PTPRM: variants seen among roughly 807,000 people sequenced by gnomAD.
PTPRM encodes protein tyrosine phosphatase receptor type M.
PTPRM carries 47 observed loss-of-function variants against 186.7 expected under a neutral mutation model. The ratio of observed to expected loss-of-function variants is 0.25; its 90% CI spans 0.20 to 0.32. PTPRM has a LOEUF of 0.32. Ranked by LOEUF, PTPRM falls within the 10% of genes least tolerant of loss-of-function variation. The pLI is 1.00. For synonymous variants in PTPRM, 668 were observed against 674.9 expected, an observed-to-expected ratio of 0.99 and a Z score of 0.16; for missense variants, 1,494 against 1,865.0, an observed-to-expected ratio of 0.80 and a Z score of 3.66.
At chr18:7,649,279 T>G (rs2038639771) in intron 1 of PTPRM, among the ~76,000 whole-genome samples, 1 of 152,202 alleles carries the variant, frequency 6.6e-6, no homozygotes, top group Non-Finnish European at 1.5e-5. Context: ...AGAGCTCTGC[T>G]GGAGATGTAC....
intron 5 of PTPRM, among the ~76,000 whole-genome samples, chr18:7,948,454 G>A (rs913025196): frequency 6.6e-6 from 1 of 152,116 alleles, no homozygotes; most frequent in Non-Finnish European, 1.5e-5. Context: ...ATTTCCAAGT[G>A]TGCATAACTA....
intron 1 of PTPRM, among the ~76,000 whole-genome samples, chr18:7,610,215 T>C (rs1245408601): frequency 7.0e-6 from 1 of 142,700 alleles, no homozygotes; most frequent in Non-Finnish European, 1.5e-5. Context: ...ACTTATTTGA[T>C]AGGAATTGCT....
chr18:8,244,575 TA>T (rs1476141315), intron 15 of PTPRM, among the ~76,000 whole-genome samples: 4 of 152,236 alleles, frequency 2.6e-5, no homozygotes, highest in Non-Finnish European at 5.9e-5. Context: ...AAGCCTGTTA[TA>T]AAAACAGTTC....
rs565996019 is a variant in PTPRM at position 8,341,391 on chromosome 18, G to A, written c.2957-2032G>A. ...GGGCACTAAGAAAACAGCAGCAAAC[G>A]AAGAAGGCTGAGTTCCCCTCCGGGA... is the stretch of plus-strand genomic sequence containing the variant. On this transcript the variant is annotated intron_variant, in intron 22 of 32. Coordinates refer to ENST00000580170, the MANE Select transcript of PTPRM (RefSeq NM_001105244.2). Among the ~76,000 whole-genome samples, 34 of 152,276 alleles carry A rather than the reference G, an allele frequency of 2.2e-4. 1 individual carries two copies. In the South Asian group the frequency reaches 4.8e-3, roughly 21 times the overall value.
chr18:8,240,593 T>C (rs1412494849), intron 14 of PTPRM, among the ~76,000 whole-genome samples: 3 of 109,040 alleles, frequency 2.8e-5, no homozygotes, highest in East Asian at 2.9e-4. Flanking sequence ...TGTGGCAACC[T>C]GCATGGAGAG....
At chr18:8,103,227 G>A (rs183665868) in intron 11 of PTPRM, among the ~76,000 whole-genome samples, 18 of 152,294 alleles carry the variant, frequency 1.2e-4, no homozygotes, top group Admixed American at 7.8e-4. Context: ...GCATGAGCCC[G>A]TAACACAAGA....
At chr18:7,997,915 T>C (rs1006410780) in intron 7 of PTPRM, among the ~76,000 whole-genome samples, 8 of 152,162 alleles carry the variant, frequency 5.3e-5, no homozygotes, top group African/African-American at 1.9e-4. Flanking sequence ...AGAACTCTCA[T>C]GTCAATGTTG....
intron 1 of PTPRM, among the ~76,000 whole-genome samples, chr18:7,767,780 A>G (rs1468203166): frequency 1.3e-5 from 2 of 152,210 alleles, no homozygotes; most frequent in Non-Finnish European, 2.9e-5. Flanking sequence ...CTTCATTAAC[A>G]TTTAACTTGC....
chr18:8,081,317 G>A (rs1292052358), intron 9 of PTPRM, among the ~76,000 whole-genome samples: 2 of 152,148 alleles, frequency 1.3e-5, no homozygotes, highest in Non-Finnish European at 2.9e-5. Flanking sequence ...CCTCACACAT[G>A]ATGTTGAGAT....
chr18:8,260,477 C>G (rs2094618523), intron 19 of PTPRM, among the ~76,000 whole-genome samples: 1 of 152,140 alleles, frequency 6.6e-6, no homozygotes. Flanking sequence ...CTGTAACAAC[C>G]TGCTCTTGTG....
At chr18:8,322,033 G>T (rs114085040) in intron 22 of PTPRM, among the ~76,000 whole-genome samples, 2,193 of 152,184 alleles carry the variant, frequency 0.014, 53 homozygotes, top group African/African-American at 0.049. Flanking sequence ...AACAAAATGG[G>T]CAATGAAGAC....
intron 19 of PTPRM, among the ~76,000 whole-genome samples, chr18:8,277,065 T>G (rs2094844860): frequency 6.6e-6 from 1 of 151,916 alleles, no homozygotes; most frequent in Admixed American, 6.6e-5. Context: ...GCCCCCTGAG[T>G]AGCTGGGACT....
chr18:7,928,376 AAATT>A (rs1210686864), intron 5 of PTPRM, among the ~76,000 whole-genome samples: 1 of 152,188 alleles, frequency 6.6e-6, no homozygotes. Context: ...CTCCGTATTC[AAATT>A]TTTTTTCTCT....
chr18:7,577,102 A>C (rs1209450584), intron 1 of PTPRM, among the ~76,000 whole-genome samples: 1 of 152,134 alleles, frequency 6.6e-6, no homozygotes, highest in Non-Finnish European at 1.5e-5. Flanking sequence ...CCTACTTCCT[A>C]TCAAGTTTGA....
chr18:8,030,208 A>G (rs2085872871), intron 7 of PTPRM, among the ~76,000 whole-genome samples: 1 of 152,234 alleles, frequency 6.6e-6, no homozygotes, highest in Non-Finnish European at 1.5e-5. Context: ...GATTACATTC[A>G]TGCCTACCAT....
intron 7 of PTPRM, among the ~76,000 whole-genome samples, chr18:8,048,504 A>C (rs1442278759): frequency 3.3e-5 from 5 of 151,978 alleles, no homozygotes; most frequent in Non-Finnish European, 7.4e-5. Context: ...TCCCTGGAAG[A>C]TTAGCAGGAT....
chr18:7,741,400 C>T (rs2040882452), intron 1 of PTPRM: 1 of 152,128 alleles, frequency 6.6e-6, no homozygotes, highest in East Asian at 1.9e-4. Flanking sequence ...GTCTTTTCGG[C>T]TGAGCAATGG....
chr18:8,345,570 A>G (rs898978125), intron 23 of PTPRM, among the ~76,000 whole-genome samples: 1 of 152,048 alleles, frequency 6.6e-6, no homozygotes, highest in African/African-American at 2.4e-5. Context: ...AAATTGACGC[A>G]TGGAAATGTA....
At chr18:8,244,564 G>A (rs762790709) in intron 15 of PTPRM, among the ~76,000 whole-genome samples, 111 of 152,188 alleles carry the variant, frequency 7.3e-4, no homozygotes, top group Non-Finnish European at 1.1e-3. Context: ...TTACACATGG[G>A]AAGCCTGTTA....
Sources: allele counts gnomAD v4.1 joint callset (sites outside exome capture counted in the v4.1 genomes callset), GRCh38; gene constraint gnomAD v4.1.1; transcripts MANE v1.5; gene names NCBI Gene and HGNC (gene_info 2026-07-23, HGNC 2026-07-21).